The following SPMAP2 variants were observed in gnomAD, a reference collection of about 807,000 sequenced individuals.
The protein encoded by SPMAP2 is Theg homolog.
chr19:366,518 T>A, the SPMAP2 span, among the ~76,000 whole-genome samples: 1 of 152,088 alleles, frequency 6.6e-6, no homozygotes, highest in Non-Finnish European at 1.5e-5. Flanking sequence ...AAAGAATGAA[T>A]AAACAAAGAA....
the SPMAP2 span, chr19:361,889 C>G: frequency 2.2e-4 from 33 of 151,640 alleles, no homozygotes; most frequent in South Asian, 5.2e-4. Flanking sequence ...GGTCCCGTGG[C>G]CCCTCAGCAG....
the SPMAP2 span, chr19:371,085 G>A: frequency 3.6e-6 from 2 of 554,340 alleles, no homozygotes; most frequent in Non-Finnish European, 6.3e-6. Context: ...CCAGACAAAG[G>A]CAGCCGCCCT....
chr19:366,406 G>A, the SPMAP2 span, among the ~76,000 whole-genome samples: 1 of 152,112 alleles, frequency 6.6e-6, no homozygotes, highest in East Asian at 1.9e-4. Context: ...TGTGTGTGGC[G>A]AGCACAAGTG....
At chr19:371,782 G>C in the SPMAP2 span, among the ~76,000 whole-genome samples, 11 of 152,310 alleles carry the variant, frequency 7.2e-5, no homozygotes, top group African/African-American at 2.6e-4. Flanking sequence ...AGCTCCCGGG[G>C]CTGTGCCTTC....
the SPMAP2 span, chr19:367,194 C>A: frequency 5.0e-6 from 8 of 1,605,080 alleles, 1 homozygote; most frequent in South Asian, 5.6e-5. Flanking sequence ...CTGGGGACTG[C>A]CATTTGGGCT....
At chr19:375,888 T>A in the SPMAP2 span, 1 of 1,553,680 alleles carries the variant, frequency 6.4e-7, no homozygotes, top group East Asian at 2.4e-5. Flanking sequence ...GCCACGGGGG[T>A]CGCCGTCCTG....
the SPMAP2 span, chr19:362,044 G>T: frequency 2.1e-6 from 1 of 479,712 alleles, no homozygotes; most frequent in Non-Finnish European, 3.6e-6. Context: ...TAAACAGCTG[G>T]ACAAGTCGCA....
chr19:365,947 C>T, the SPMAP2 span, among the ~76,000 whole-genome samples: 2 of 152,288 alleles, frequency 1.3e-5, no homozygotes, highest in Non-Finnish European at 2.9e-5. Flanking sequence ...TCAAGACCAG[C>T]CTGGCCAACA....
the SPMAP2 span, chr19:362,192 C>A: frequency 6.8e-7 from 1 of 1,478,192 alleles, no homozygotes; most frequent in Non-Finnish European, 9.0e-7. Context: ...TTACTGGGAG[C>A]GGAGGTCTTA....
At chr19:375,518 G>T in the SPMAP2 span, 1 of 905,122 alleles carries the variant, frequency 1.1e-6, no homozygotes, top group Non-Finnish European at 1.6e-6. Context: ...TGACTCGGCA[G>T]GGCCGGGCCC....
the SPMAP2 span, among the ~76,000 whole-genome samples, chr19:369,527 G>A: frequency 3.8e-4 from 58 of 151,880 alleles, no homozygotes; most frequent in African/African-American, 1.2e-3. Context: ...AATGCAAGAC[G>A]GTGGCCAAGA....
At chr19:371,023 G>T in the SPMAP2 span, among the ~76,000 whole-genome samples, 1 of 152,220 alleles carries the variant, frequency 6.6e-6, no homozygotes, top group African/African-American at 2.4e-5. Flanking sequence ...CGCAGGGAAG[G>T]ATGACCCCTG....
the SPMAP2 span, chr19:374,097 C>T: frequency 2.3e-4 from 344 of 1,503,156 alleles, no homozygotes; most frequent in East Asian, 1.4e-3. Flanking sequence ...CTTTGGCCAC[C>T]GCCCAGAGGG....
chr19:367,089 G>A, the SPMAP2 span: 53,970 of 1,612,734 alleles, frequency 0.033, 1,172 homozygotes, highest in African/African-American at 0.092. Flanking sequence ...AGGCGGTTAT[G>A]GTCTGACACA....
At chr19:375,902 C>G in the SPMAP2 span, 2 of 1,514,090 alleles carry the variant, frequency 1.3e-6, no homozygotes, top group East Asian at 2.4e-5. Flanking sequence ...CGTCCTGCTC[C>G]CTTTCCGACC....
the SPMAP2 span, among the ~76,000 whole-genome samples, chr19:372,428 G>A: frequency 3.9e-4 from 60 of 152,360 alleles, no homozygotes; most frequent in African/African-American, 1.3e-3. Flanking sequence ...GCAGTTGCAC[G>A]GGGCCAAGCA....
At chr19:364,336 CAAAA>C in the SPMAP2 span, among the ~76,000 whole-genome samples, 7 of 74,130 alleles carry the variant, frequency 9.4e-5, no homozygotes, top group South Asian at 2.5e-3. Context: ...AGCTCTGTCT[CAAAA>C]AAAAAAAAAA....
chr19:374,909 C>T, the SPMAP2 span, among the ~76,000 whole-genome samples: 1 of 152,220 alleles, frequency 6.6e-6, no homozygotes, highest in Non-Finnish European at 1.5e-5. Flanking sequence ...CCTGTCCTTG[C>T]TTGATGCAGC....
chr19:370,380 C>T, the SPMAP2 span, among the ~76,000 whole-genome samples: 13 of 150,046 alleles, frequency 8.7e-5, no homozygotes, highest in South Asian at 4.2e-4. Flanking sequence ...CTCGCTCTGT[C>T]GCCCAGGCTG....
Sources: gnomAD v4.1 joint callset for allele counts (sites outside exome capture counted in the v4.1 genomes callset) on GRCh38, gnomAD v4.1.1 for gene constraint, MANE v1.5 for transcripts, NCBI Gene and HGNC (gene_info 2026-07-23, HGNC 2026-07-21) for gene names.